ROCK1: variants seen among roughly 807,000 people sequenced by gnomAD.
ROCK1 encodes rho-associated protein kinase 1.
Under a neutral mutation model 196.8 loss-of-function variants are expected in ROCK1, and 36 were observed. The observed-to-expected ratio is 0.18, with a 90% CI of 0.14 to 0.24. The LOEUF is 0.24. Among genes scored for constraint, ROCK1 ranks in the 10% least tolerant of loss-of-function variants. ROCK1 has a pLI of 1.00. For missense variants in ROCK1, 920 were observed against 1,562.0 expected, an observed-to-expected ratio of 0.59 and a Z score of 6.93; for synonymous variants, 443 against 515.9, an observed-to-expected ratio of 0.86 and a Z score of 1.91.
chr18:21,110,715 A>G, intron 1 of ROCK1, 103 bp downstream of exon 1: 1 of 866,604 alleles, frequency 1.2e-6, no homozygotes, highest in Non-Finnish European at 1.9e-6. Context: ...ATTTTCCAAG[A>G]CGATTATGCA....
At chr18:21,102,727 A>G (rs2036669619) in intron 1 of ROCK1, among the ~76,000 whole-genome samples, 1 of 152,200 alleles carries the variant, frequency 6.6e-6, no homozygotes, top group South Asian at 2.1e-4. Context: ...TTAGCCAGGC[A>G]TGGTGGCGCT....
chr18:21,022,756 G>A (rs1463467011), intron 11 of ROCK1, among the ~76,000 whole-genome samples: 1 of 152,020 alleles, frequency 6.6e-6, no homozygotes, highest in Non-Finnish European at 1.5e-5. Context: ...GGGTGCTTTA[G>A]TACCCTTTAT....
Position 20,951,296 on chromosome 18 carries a change from G to A in ROCK1, c.*88C>T. ...TGAAGCCTGTGATATTTGTGTCAAA[G>A]AAACAGCCTGTCTGCTCTGCATGGT... On this transcript the variant is annotated 3_prime_UTR_variant, in exon 33 of 33. Transcript: ENST00000399799. 11 of 1,217,596 alleles carry A rather than the reference G, an allele frequency of 9.0e-6. No individual in the cohort carries two copies. The highest frequency in any genetic ancestry group is 1.3e-5 in the Non-Finnish European group (11 of 863,916). The allele number at this position is 1,217,596 out of a possible 1,614,324, so 75.4% of individuals were successfully genotyped here.
chr18:20,995,438 G>A (rs1011839862), intron 16 of ROCK1, among the ~76,000 whole-genome samples: 2 of 152,144 alleles, frequency 1.3e-5, no homozygotes, highest in Non-Finnish European at 2.9e-5. Flanking sequence ...TCAGCTTAGT[G>A]ATATATATCA....
intron 31 of ROCK1, 142 bp downstream of exon 31, chr18:20,954,641 T>C: frequency 1.3e-6 from 1 of 763,066 alleles, no homozygotes; most frequent in South Asian, 2.0e-5. Flanking sequence ...TGTAAATAGC[T>C]GCATATTGCC....
In ROCK1 at chr18:20,984,456, A is replaced by T; in HGVS notation, c.2384T>A (p.Phe795Tyr). 6.2e-7 allele frequency: 1 copy of T among 1,613,394 alleles called. No individual in the cohort carries two copies. The highest frequency in any genetic ancestry group is 8.5e-7 in the Non-Finnish European group (1 of 1,179,748). Residue 795 changes from phenylalanine (F) to tyrosine (Y), a missense_variant, in exon 20 of 33, where the codon TTT (phenylalanine) becomes TAT (tyrosine). Phe to Tyr is a conservative substitution (Grantham distance 22). Coordinates refer to ENST00000399799, the MANE Select transcript of ROCK1 (RefSeq NM_005406.3). Reference protein sequence around the residue: ...LLQNELKTQAFEADNLKGLEK... With the variant: ...LLQNELKTQAYEADNLKGLEK... ...TAAACCTTTTAAATTGTCTGCCTCA[A>T]ATGCTTGAGTCTTCAATTCATTTTG...
At chr18:21,012,273 CCTTT>C (rs1336847116) in intron 13 of ROCK1, among the ~76,000 whole-genome samples, 44 of 152,130 alleles carry the variant, frequency 2.9e-4, no homozygotes, top group African/African-American at 1.0e-3. Context: ...TTTATCATTT[CCTTT>C]CTGTTTAGAG....
chr18:20,989,130 G>A (rs986020076), intron 18 of ROCK1, among the ~76,000 whole-genome samples: 4 of 152,160 alleles, frequency 2.6e-5, no homozygotes, highest in African/African-American at 9.7e-5. Context: ...TGACTAAAAA[G>A]GAAAATTGTT....
At position 20,989,472 on chromosome 18, in the gene ROCK1, G is replaced by A. The variant is rs2035604758; in HGVS notation, c.2143+1704C>T. Among the ~76,000 whole-genome samples, 3 of 152,318 alleles carry A rather than the reference G, an allele frequency of 2.0e-5. No homozygotes were observed. The South Asian group carries it at 6.2e-4, about 32-fold the overall frequency. On this transcript the variant is annotated intron_variant, in intron 18 of 32. Coordinates refer to ENST00000399799, the MANE Select transcript of ROCK1 (RefSeq NM_005406.3). ...AGTAGGTTAAGAATAAGCAGAAGGT[G>A]AGGAAAAGACTTTTAGAAGTTTGGA...
At position 20,970,389 on chromosome 18, in the gene ROCK1, T is replaced by G; in HGVS notation, c.2779A>C (p.Asn927His). ...TCTTTATCTGTAATCTCTTGTCTATTTCTTGAAGCAGCTTTCTTGCTTTCT... is the reference window on the plus strand; with the variant it reads ...TCTTTATCTGTAATCTCTTGTCTATGTCTTGAAGCAGCTTTCTTGCTTTCT... ...TQESKKAASR[N>H]RQEITDKDHT... The change falls in exon 23 of 33, where the codon AAT becomes CAT. Residue 927 changes from asparagine (N) to histidine (H), a missense_variant. Asn to His is a moderately conservative substitution (Grantham distance 68, BLOSUM62 1). Around this residue, in one of 6 missense-constraint regions of ROCK1, gnomAD observed 520 missense variants for 657.1 expected, o/e 0.79. Transcript: ENST00000399799. 3 of 1,613,980 alleles carry G rather than the reference T, an allele frequency of 1.9e-6. No individual in the cohort carries two copies. Among genetic ancestry groups the G allele is most frequent in the Non-Finnish European group, 2.5e-6 (3 of 1,179,892 alleles).
chr18:20,959,366 C>CA (rs1196521791), intron 29 of ROCK1, among the ~76,000 whole-genome samples: 8 of 147,770 alleles, frequency 5.4e-5, no homozygotes, highest in African/African-American at 2.0e-4. Context: ...CGCCTGCCAC[C>CA]ACGCCCAGCT....
At chr18:20,991,088 TA>T in intron 18 of ROCK1, 87 bp downstream of exon 18, 1 of 996,568 alleles carries the variant, frequency 1.0e-6, no homozygotes, top group African/African-American at 1.6e-5. Context: ...TTCTACGAGT[TA>T]AAGAGTACAA....
intron 29 of ROCK1, among the ~76,000 whole-genome samples, chr18:20,958,057 C>T (rs1435261350): frequency 1.3e-5 from 2 of 152,102 alleles, no homozygotes; most frequent in East Asian, 3.9e-4. Flanking sequence ...GATCTATGAA[C>T]TTTATTGTGG....
intron 12 of ROCK1, among the ~76,000 whole-genome samples, chr18:21,018,002 T>G (rs1598530038): frequency 6.6e-6 from 1 of 151,508 alleles, no homozygotes; most frequent in African/African-American, 2.4e-5. Context: ...AAAAAATAAA[T>G]AAAATAAAGA....
chr18:21,058,512 G>C (rs978206120), intron 2 of ROCK1, among the ~76,000 whole-genome samples: 2 of 152,126 alleles, frequency 1.3e-5, no homozygotes, highest in Non-Finnish European at 2.9e-5. Context: ...TACTTTTAGA[G>C]TAGTGAAAGC....
chr18:21,058,671 C>T (rs1258813733), intron 2 of ROCK1, among the ~76,000 whole-genome samples: 3 of 152,152 alleles, frequency 2.0e-5, no homozygotes, highest in East Asian at 1.9e-4. Context: ...ACCTCCACCT[C>T]GGAGTTCAAG....
At chr18:21,015,109 TTC>T in intron 13 of ROCK1, among the ~76,000 whole-genome samples, 1 of 152,344 alleles carries the variant, frequency 6.6e-6, no homozygotes, top group East Asian at 1.9e-4. Flanking sequence ...GTCTGTCTCT[TTC>T]TGACATAGTT....
At chr18:21,046,159 C>T (rs1004435723) in intron 4 of ROCK1, among the ~76,000 whole-genome samples, 1 of 152,088 alleles carries the variant, frequency 6.6e-6, no homozygotes. Flanking sequence ...ATCCGCCCAC[C>T]CTGGCCTCCC....
In ROCK1 at chr18:21,058,236, T is replaced by G. The variant is rs1353933813; in HGVS notation, c.176-8356A>C. On this transcript the variant is annotated intron_variant, in intron 2 of 32. Transcript: ENST00000399799. ...AGATTATTCTGCCACATTTTCTATATATTTTAAGTTTTTTATAATGACCCT... is the reference window on the plus strand; with the variant it reads ...AGATTATTCTGCCACATTTTCTATAGATTTTAAGTTTTTTATAATGACCCT... Among the ~76,000 whole-genome samples the G allele has an allele frequency of 1.3e-5, 2 of 152,184 alleles. 1 individual carries two copies. The highest frequency in any genetic ancestry group is 4.1e-4 in the South Asian group (2 of 4,828).
Sources: gnomAD v4.1 joint callset for allele counts (sites outside exome capture counted in the v4.1 genomes callset) on GRCh38, gnomAD v4.1.1 for gene constraint, gnomAD v4.1.1 regional missense constraint, MANE v1.5 for transcripts, NCBI Gene and HGNC (gene_info 2026-07-23, HGNC 2026-07-21) for gene names.